Variants in ILDR2 observed in about 807,000 individuals in gnomAD.
ILDR2 encodes immunoglobulin like domain containing receptor 2.
In ILDR2, 25 loss-of-function variants were observed where a neutral mutation model predicts 66.8. That is an observed-to-expected ratio of 0.37 (90% CI 0.27 to 0.52). The LOEUF (loss-of-function observed/expected upper bound fraction) is 0.52. Ranked by LOEUF, ILDR2 falls within the 20% of genes least tolerant of loss-of-function variation. The pLI, the probability that ILDR2 is intolerant of heterozygous loss-of-function variation, is 0.88. For missense variants in ILDR2, 827 were observed against 876.8 expected, an observed-to-expected ratio of 0.94 and a Z score of 0.72; for synonymous variants, 367 against 357.2, an observed-to-expected ratio of 1.03 and a Z score of -0.31.
chr1:166,943,446 T>C (rs534637613), intron 3 of ILDR2, among the ~76,000 whole-genome samples: 112 of 144,776 alleles, frequency 7.7e-4, no homozygotes, highest in African/African-American at 2.6e-3. Flanking sequence ...GAGCCGAGAT[T>C]GCACCACTGC....
chr1:166,920,587 T>C (rs750384735), intron 9 of ILDR2, 120 bp downstream of exon 9: 1,159 of 1,172,864 alleles, frequency 9.9e-4, no homozygotes, highest in Non-Finnish European at 1.2e-3. Context: ...CCCTGCGGCC[T>C]CTCCGGCAAG....
At position 166,910,118 on chromosome 1, in the gene ILDR2, T is replaced by C. The variant is rs1246477563; in HGVS notation, c.*9237A>G. The C allele has an allele frequency of 2.0e-5, 3 of 152,052 alleles. No homozygotes were observed. The highest frequency in any genetic ancestry group is 6.6e-5 in the Admixed American group (1 of 15,254). The allele number at this position is 152,052 out of a possible 1,614,324, so 9.4% of individuals were successfully genotyped here. On this transcript the variant is annotated 3_prime_UTR_variant, in exon 10 of 10. Coordinates refer to ENST00000271417, the MANE Select transcript of ILDR2 (RefSeq NM_199351.3). ...ACAGTTTGATGACACGGTTTTTGCT[T>C]GTTAAAGAGAAACTGGCTTCACCAT...
intron 3 of ILDR2, among the ~76,000 whole-genome samples, chr1:166,955,381 G>A (rs1186675858): frequency 1.3e-5 from 2 of 152,258 alleles, no homozygotes; most frequent in African/African-American, 4.8e-5. Flanking sequence ...GCCAGGGTGG[G>A]CAGATCACTT....
intron 1 of ILDR2, among the ~76,000 whole-genome samples, chr1:166,971,626 A>AT (rs1291079033): frequency 6.6e-6 from 1 of 152,084 alleles, no homozygotes; most frequent in African/African-American, 2.4e-5. Context: ...TGCCCGGCTA[A>AT]TTTTTTTGTA....
intron 2 of ILDR2, chr1:166,896,181 G>A (rs2101809846): frequency 6.6e-6 from 1 of 152,436 alleles, no homozygotes; most frequent in South Asian, 2.1e-4. Flanking sequence ...CACTTTTTCT[G>A]GCTCTGTTAC....
At chr1:166,961,998 C>A (rs1317447857) in intron 1 of ILDR2, among the ~76,000 whole-genome samples, 4 of 152,116 alleles carry the variant, frequency 2.6e-5, no homozygotes, top group Non-Finnish European at 5.9e-5. Flanking sequence ...GGACTCTAAG[C>A]TAAAGGTAGA....
At position 166,921,246 on chromosome 1, in the gene ILDR2, G is replaced by A. The variant is rs754726865; in HGVS notation, c.1345C>T (p.His449Tyr). The A allele has an allele frequency of 5.0e-6, 8 of 1,598,206 alleles. No individual in the cohort carries two copies. The highest frequency in any genetic ancestry group is 3.3e-5 in the South Asian group (3 of 90,120). ...QRPRRADGNS[H>Y]EARGGSRFER... ...AAGCGGCTCCCGCCCCGCGCCTCGT[G>A]ACTGTTGCCGTCTGCCCGGCGGGGC... is the stretch of plus-strand genomic sequence containing the variant. Residue 449 changes from histidine (H) to tyrosine (Y), a missense_variant, in exon 9 of 10, where the codon CAC becomes TAC. This residue lies in a region of ILDR2 where 390 missense variants were observed against 353.6 expected (regional missense o/e 1.10). Coordinates refer to ENST00000271417, the MANE Select transcript of ILDR2 (RefSeq NM_199351.3). This position sits in a 1 kb window ranked among gnomAD's most constrained non-coding sequence, Gnocchi z 5.3.
At position 166,975,397 on chromosome 1, in the gene ILDR2, G is replaced by A; in HGVS notation, c.-129C>T. On this transcript the variant is annotated 5_prime_UTR_variant, in exon 1 of 10. Coordinates refer to ENST00000271417, the MANE Select transcript of ILDR2 (RefSeq NM_199351.3). ...GGCACCGGGCGTCCCTGGGCGCAGC[G>A]CCCGCCGGGCCGGCCGCGCAGGCGG... 2.9e-6 allele frequency: 1 copy of A among 346,628 alleles called. No homozygotes were observed. The highest frequency in any genetic ancestry group is 1.1e-4 in the South Asian group (1 of 9,488). The allele number at this position is 346,628 out of a possible 1,614,324, so 21.5% of individuals were successfully genotyped here. A position where few individuals can be genotyped will look rare whatever the true frequency, so the allele number is the denominator to read the frequency against.
chr1:166,921,187 G>A lies in ILDR2; in HGVS notation c.1404C>T (p.Phe468=). The change falls in exon 9 of 10, where the codon TTC becomes TTT. Residue 468 remains phenylalanine, a synonymous_variant. Transcript: ENST00000271417. This position sits in a 1 kb window ranked among gnomAD's most constrained non-coding sequence, Gnocchi z 5.3. ...ACTCCTCCAAGGAGTCGTCCTGGTA[G>A]AAGCCGCTGTGCGCCCGCGACTCCG... The part of the protein sequence containing the change: ...ERSESRAHSG[F]YQDDSLEEYY... 1 of 1,570,718 alleles carries A rather than the reference G, an allele frequency of 6.4e-7. No homozygotes were observed. The highest frequency in any genetic ancestry group is 8.6e-7 in the Non-Finnish European group (1 of 1,165,552).
chr1:166,947,768 G>T (rs1428198009), intron 3 of ILDR2, among the ~76,000 whole-genome samples: 2 of 152,128 alleles, frequency 1.3e-5, no homozygotes, highest in Admixed American at 6.5e-5. Flanking sequence ...CGGTAACCGC[G>T]GGCCGCCAGG....
At chr1:166,970,047 A>G (rs940059211) in intron 1 of ILDR2, among the ~76,000 whole-genome samples, 1 of 152,364 alleles carries the variant, frequency 6.6e-6, no homozygotes, top group East Asian at 1.9e-4. Flanking sequence ...GAAAGAAGGC[A>G]TAAGAGTAAA....
In ILDR2 at chr1:166,913,513, A is replaced by G. The variant is rs1422759423; in HGVS notation, c.*5842T>C. 6.6e-6 allele frequency: 1 copy of G among 152,168 alleles called. No homozygotes were observed. Among genetic ancestry groups the G allele is most frequent in the Non-Finnish European group, 1.5e-5 (1 of 68,030 alleles). The allele number at this position is 152,168 out of a possible 1,614,324, so 9.4% of individuals were successfully genotyped here. A position where few individuals can be genotyped will look rare whatever the true frequency, so the allele number is the denominator to read the frequency against. On this transcript the variant is annotated 3_prime_UTR_variant, in exon 10 of 10. Coordinates refer to ENST00000271417, the MANE Select transcript of ILDR2 (RefSeq NM_199351.3). ...AAGAGAAGCTATCTGTGTCTCTTTT[A>G]GCCTTCCCAGAAGAAATGAGTCAGA...
At chr1:166,898,923 G>T (rs1659215461) in intron 2 of ILDR2, among the ~76,000 whole-genome samples, 1 of 151,794 alleles carries the variant, frequency 6.6e-6, no homozygotes, top group South Asian at 2.1e-4. Flanking sequence ...AGCCGGACAT[G>T]GTGGCACATA....
chr1:166,927,428 T>C (rs1001063368), intron 6 of ILDR2, among the ~76,000 whole-genome samples: 20 of 152,264 alleles, frequency 1.3e-4, no homozygotes, highest in Admixed American at 2.0e-4. Context: ...TTTTTAGTCA[T>C]TTGTTAACTT....
Position 166,935,466 on chromosome 1 carries a change from C to A in ILDR2, c.715G>T (p.Gly239Trp). Reference sequence around the variant, plus strand: ...GGGTACCCGGCCTTTGCTGCTTTCCCTGCTTCATACACTGTGGAGGGAGAT... The same window carrying A: ...GGGTACCCGGCCTTTGCTGCTTTCCATGCTTCATACACTGTGGAGGGAGAT... ...CCCPQALYEA[G>W]KAAKAGYPPS... Residue 239 changes from glycine (G) to tryptophan (W), a missense_variant, in exon 6 of 10, where the codon GGG (glycine) becomes TGG (tryptophan). Gly to Trp is a radical substitution (Grantham distance 184). Coordinates refer to ENST00000271417, the MANE Select transcript of ILDR2 (RefSeq NM_199351.3). The A allele has an allele frequency of 6.3e-7, 1 of 1,596,886 alleles. No individual in the cohort carries two copies. The highest frequency in any genetic ancestry group is 8.5e-7 in the Non-Finnish European group (1 of 1,171,904).
intron 1 of ILDR2, among the ~76,000 whole-genome samples, chr1:166,959,691 T>C (rs919426298): frequency 6.6e-6 from 1 of 152,104 alleles, no homozygotes; most frequent in Non-Finnish European, 1.5e-5. Context: ...GGGGAGTGTT[T>C]GAGAAGCAAA....
In ILDR2 at chr1:166,922,925, G is replaced by A. The variant is rs1660044713; in HGVS notation, c.995-116C>T. 6 of 838,460 alleles carry A rather than the reference G, an allele frequency of 7.2e-6. No individual in the cohort carries two copies. The Admixed American group carries it at 1.2e-4, about 17-fold the overall frequency. 51.9% of individuals were successfully genotyped at this position (838,460 alleles called of 1,614,324 possible). On this transcript the variant is annotated intron_variant, in intron 7 of 9. Transcript: ENST00000271417. ...TCCAGGAAACTCCTGCCTCATTGCT[G>A]TCCAGGGTGGGTTGTAAGCCTGAAC...
intron 9 of ILDR2, among the ~76,000 whole-genome samples, chr1:166,920,244 G>C (rs1571098418): frequency 6.6e-6 from 1 of 152,154 alleles, no homozygotes; most frequent in East Asian, 1.9e-4. Context: ...CTGGGATGTG[G>C]GTTCTTGGAA....
At chr1:166,935,578 G>T in intron 5 of ILDR2, 101 bp from the exon 6 acceptor site, 1 of 1,019,556 alleles carries the variant, frequency 9.8e-7, no homozygotes, top group Non-Finnish European at 1.4e-6. Flanking sequence ...GCTCCTGGAT[G>T]TGTGTATGTG....
Sources: gnomAD v4.1 joint callset for allele counts (sites outside exome capture counted in the v4.1 genomes callset) on GRCh38, gnomAD v4.1.1 for gene constraint, gnomAD v4.1.1 regional missense constraint, Gnocchi (gnomAD v3.1) non-coding constraint, MANE v1.5 for transcripts, NCBI Gene and HGNC (gene_info 2026-07-23, HGNC 2026-07-21) for gene names.